CCNB1: variants seen among roughly 807,000 people sequenced by gnomAD.
The protein encoded by CCNB1 is cyclin B1, also known as G2/mitotic-specific cyclin-B1.
In CCNB1, 26 loss-of-function variants were observed where a neutral mutation model predicts 44.4. That is an observed-to-expected ratio of 0.59 (90% CI 0.43 to 0.81). The LOEUF (loss-of-function observed/expected upper bound fraction) is 0.81. Ranked by LOEUF, CCNB1 falls within the 40% of genes least tolerant of loss-of-function variation. The probability of loss-of-function intolerance (pLI) is 0.00; values close to 1 mark genes in which losing one functional copy is unlikely to be tolerated. For missense variants in CCNB1, 477 were observed against 520.9 expected (o/e 0.92, Z 0.82); for synonymous variants, 195 against 181.4 (o/e 1.08, Z -0.60).
At chr5:69,172,567 T>G (rs143968277) in intron 4 of CCNB1, among the ~76,000 whole-genome samples, 1 of 151,806 alleles carries the variant, frequency 6.6e-6, no homozygotes, top group Non-Finnish European at 1.5e-5. Context: ...CCCAGTTGTT[T>G]CTAATGTGTT....
At chr5:69,167,825 TC>T (rs1747369168) in intron 1 of CCNB1, 82 bp from the exon 2 acceptor site, 1 of 1,292,228 alleles carries the variant, frequency 7.7e-7, no homozygotes. Context: ...TCTGGGAACT[TC>T]TCCTTGTGCC....
intron 4 of CCNB1, among the ~76,000 whole-genome samples, chr5:69,173,606 C>T (rs1383778041): frequency 6.6e-6 from 1 of 152,094 alleles, no homozygotes; most frequent in Non-Finnish European, 1.5e-5. Context: ...CTACATAAAG[C>T]TCAGGTTCTA....
intron 1 of CCNB1, 142 bp downstream of exon 1, chr5:69,167,425 G>A (rs1747359431): frequency 1.2e-6 from 1 of 850,722 alleles, no homozygotes. Context: ...CACCAAGAGA[G>A]CGCCGAGGTG....
Position 69,168,271 on chromosome 5 carries a change from A to C in CCNB1, c.291A>C (p.Pro97=). 1.2e-6 allele frequency: 2 copies of C among 1,614,158 alleles called. No homozygotes were observed. Among genetic ancestry groups the C allele is most frequent in the Non-Finnish European group, 1.7e-6 (2 of 1,179,976 alleles). The part of the protein sequence containing the change: ...PMLVPVPVSE[P]VPEPEPEPEP... Reference sequence around the variant, plus strand: ...TGGTGCCAGTGCCAGTGTCTGAGCCAGTGCCAGAGCCAGAACCTGAGCCAG... The same window carrying C: ...TGGTGCCAGTGCCAGTGTCTGAGCCCGTGCCAGAGCCAGAACCTGAGCCAG... The change falls in exon 3 of 9, where the codon CCA becomes CCC. Residue 97 remains proline, a synonymous_variant. Transcript: ENST00000256442.
At chr5:69,168,131 CT>C in intron 2 of CCNB1, 41 bp from the exon 3 acceptor site, 1 of 1,611,082 alleles carries the variant, frequency 6.2e-7, no homozygotes, top group Non-Finnish European at 8.5e-7. Flanking sequence ...CAACTGTGGC[CT>C]TTGATGCAGA....
intron 8 of CCNB1, 72 bp from the exon 9 acceptor site, chr5:69,177,452 G>A: frequency 8.0e-7 from 1 of 1,245,372 alleles, no homozygotes; most frequent in Admixed American, 1.8e-5. Flanking sequence ...TGTTTTAAAT[G>A]AATACCTGTA....
intron 3 of CCNB1, among the ~76,000 whole-genome samples, chr5:69,169,978 T>C (rs1001616563): frequency 1.5e-4 from 22 of 148,948 alleles, no homozygotes; most frequent in East Asian, 4.0e-4. Flanking sequence ...ATTTTTTTTT[T>C]CCCAAGACAG....
At chr5:69,171,166 T>A in intron 3 of CCNB1, 104 bp from the exon 4 acceptor site, 1 of 724,066 alleles carries the variant, frequency 1.4e-6, no homozygotes, top group Non-Finnish European at 2.3e-6. Flanking sequence ...TGTATGCCGA[T>A]TCAGCAGAAT....
chr5:69,168,000 A>G lies in CCNB1; in HGVS notation c.114A>G (p.Gly38=), dbSNP rs754814106. 3.1e-6 allele frequency: 5 copies of G among 1,614,100 alleles called. No individual in the cohort carries two copies. In the East Asian group the frequency reaches 8.9e-5, roughly 29 times the overall value. ...PTAPAATSKP[G]LRPRTALGDI... ...CCCCTGCTGCAACCTCCAAGCCCGG[A>G]CTGAGGCCAAGAACAGCTCTTGGGG... Residue 38 remains glycine, a synonymous_variant, in exon 2 of 9, where the codon GGA becomes GGG. Coordinates refer to ENST00000256442, the MANE Select transcript of CCNB1 (RefSeq NM_031966.4).
At chr5:69,172,769 C>CTT (rs922322066) in intron 4 of CCNB1, among the ~76,000 whole-genome samples, 307 of 96,624 alleles carry the variant, frequency 3.2e-3, no homozygotes, top group South Asian at 5.0e-3. Flanking sequence ...TGTGCTGTTT[C>CTT]TTTTTTTTTT....
intron 7 of CCNB1, among the ~76,000 whole-genome samples, chr5:69,176,762 C>G (rs1434508770): frequency 6.6e-6 from 1 of 151,692 alleles, no homozygotes; most frequent in South Asian, 2.1e-4. Flanking sequence ...GGGCAGATCA[C>G]GAGCTCAAAA....
Position 69,174,472 on chromosome 5 carries a change from T to A in CCNB1, c.705+63T>A, listed in dbSNP as rs892204428. 17 of 1,528,650 alleles carry A rather than the reference T, an allele frequency of 1.1e-5. No homozygotes were observed. The African/African-American group carries it at 2.2e-4, about 20-fold the overall frequency. 94.7% of individuals were successfully genotyped at this position (1,528,650 alleles called of 1,614,324 possible). ...TAGCCGAGTCATAAGAAACTGATGT[T>A]TTCAGGCCAGTCTGGGCGCAGTGGC... On this transcript the variant is annotated intron_variant, in intron 5 of 8. Coordinates refer to ENST00000256442, the MANE Select transcript of CCNB1 (RefSeq NM_031966.4).
At chr5:69,174,728 A>C in intron 5 of CCNB1, 149 bp from the exon 6 acceptor site, 1 of 745,604 alleles carries the variant, frequency 1.3e-6, no homozygotes, top group Non-Finnish European at 2.3e-6. Flanking sequence ...AGAAAGAAAT[A>C]AACTGACTTT....
Position 69,177,293 on chromosome 5 carries a change from A to G in CCNB1, c.1138A>G (p.Met380Val), listed in dbSNP as rs1397044510. The change falls in exon 8 of 9, where the codon ATG (methionine) becomes GTG (valine). Residue 380 changes from methionine to valine, a missense_variant. By Grantham distance (21) the Met-to-Val change is conservative (BLOSUM62 1). Coordinates refer to ENST00000256442, the MANE Select transcript of CCNB1 (RefSeq NM_031966.4). ...SYTEESLLPV[M>V]QHLAKNVVMV... ...TACTGAAGAATCTCTTCTTCCAGTTATGCAGCACCTGGCTAAGAATGTAGT... is the reference window on the plus strand; with the variant it reads ...TACTGAAGAATCTCTTCTTCCAGTTGTGCAGCACCTGGCTAAGAATGTAGT... 6.2e-6 allele frequency: 10 copies of G among 1,613,504 alleles called. No individual in the cohort carries two copies. Among genetic ancestry groups the G allele is most frequent in the Non-Finnish European group, 8.5e-6 (10 of 1,179,546 alleles).
chr5:69,175,303 C>A (rs1276736012), intron 6 of CCNB1, 94 bp from the exon 7 acceptor site: 5 of 1,222,416 alleles, frequency 4.1e-6, no homozygotes, highest in Non-Finnish European at 5.8e-6. Context: ...AGTTTGTAGA[C>A]AAACATTTGT....
At position 69,171,434 on chromosome 5, in the gene CCNB1, T is replaced by C; in HGVS notation, c.528T>C (p.Ala176=). 1.2e-6 allele frequency: 2 copies of C among 1,602,138 alleles called. No individual in the cohort carries two copies. Among genetic ancestry groups the C allele is most frequent in the Non-Finnish European group, 1.7e-6 (2 of 1,176,050 alleles). ...GTGAATATGTGAAAGATATTTATGC[T>C]TATCTGAGACAACTTGAGGTAAGTA... ...LCSEYVKDIY[A]YLRQLEEEQA... The change falls in exon 4 of 9, where the codon GCT becomes GCC. Residue 176 remains alanine (A), a synonymous_variant. Transcript: ENST00000256442.
At chr5:69,172,847 C>T (rs1747495341) in intron 4 of CCNB1, among the ~76,000 whole-genome samples, 4 of 146,650 alleles carry the variant, frequency 2.7e-5, no homozygotes, top group Admixed American at 2.1e-4. Flanking sequence ...AATCTCGGCT[C>T]ACTGCAAGCT....
intron 1 of CCNB1, 30 bp from the exon 2 acceptor site, chr5:69,167,878 C>G (rs1000750363): frequency 6.4e-7 from 1 of 1,571,820 alleles, no homozygotes; most frequent in African/African-American, 1.4e-5. Context: ...CTTCGTGGAT[C>G]AGCTCTTAAA....
chr5:69,170,311 A>T (rs1228670004), intron 3 of CCNB1, among the ~76,000 whole-genome samples: 2 of 152,082 alleles, frequency 1.3e-5, no homozygotes, highest in Admixed American at 1.3e-4. Flanking sequence ...CTAAATTCAG[A>T]GTCCTTTGAG....
Sources: allele counts gnomAD v4.1 joint callset (sites outside exome capture counted in the v4.1 genomes callset), GRCh38; gene constraint gnomAD v4.1.1; transcripts MANE v1.5; gene names NCBI Gene and HGNC (gene_info 2026-07-23, HGNC 2026-07-21).